RUNDC3A: variants seen among roughly 807,000 people sequenced by gnomAD.
The protein encoded by RUNDC3A is RUN domain-containing protein 3A.
RUNDC3A carries 28 observed loss-of-function variants against 53.9 expected under a neutral mutation model. The ratio of observed to expected loss-of-function variants is 0.52; its 90% CI spans 0.38 to 0.71. The LOEUF (loss-of-function observed/expected upper bound fraction) is 0.71. Among genes scored for constraint, RUNDC3A ranks in the 30% least tolerant of loss-of-function variants. RUNDC3A has a pLI of 0.00. For synonymous variants in RUNDC3A, 232 were observed against 249.4 expected (o/e 0.93, Z 0.66); for missense variants, 491 against 597.3 (o/e 0.82, Z 1.85).
intron 1 of RUNDC3A, chr17:44,311,122 C>T (rs2047740691): frequency 1.0e-6 from 1 of 985,456 alleles, no homozygotes; most frequent in Non-Finnish European, 1.2e-6. Flanking sequence ...AGGCTGCCTC[C>T]CTCTAGTGCA....
Position 44,318,378 on chromosome 17 carries a change from C to A in RUNDC3A, c.*140C>A. 1.0e-6 allele frequency: 1 copy of A among 978,924 alleles called. No individual in the cohort carries two copies. The highest frequency in any genetic ancestry group is 1.5e-6 in the Non-Finnish European group (1 of 667,660). 60.6% of individuals were successfully genotyped at this position (978,924 alleles called of 1,614,324 possible). On this transcript the variant is annotated 3_prime_UTR_variant, in exon 11 of 11. Coordinates refer to ENST00000426726, the MANE Select transcript of RUNDC3A (RefSeq NM_001144825.2). ...GCCAGGGTTCTCTCGGGGAAGATCTCGTCTGCTCACCTTAGCTTTCTGCCT... is the reference window on the plus strand; with the variant it reads ...GCCAGGGTTCTCTCGGGGAAGATCTAGTCTGCTCACCTTAGCTTTCTGCCT...
chr17:44,318,019 C>T (rs2047907281), intron 10 of RUNDC3A, 77 bp from the exon 11 acceptor site: 17 of 1,419,686 alleles, frequency 1.2e-5, no homozygotes, highest in Non-Finnish European at 1.4e-5. Context: ...TGAGGGCTGC[C>T]CCTTCACTGC....
At chr17:44,317,646 T>C in intron 10 of RUNDC3A, 1 of 704,558 alleles carries the variant, frequency 1.4e-6, no homozygotes, top group East Asian at 2.6e-5. Context: ...GCAACCACAC[T>C]GTATTGGATG....
At chr17:44,314,599 G>C in intron 4 of RUNDC3A, 136 bp from the exon 5 acceptor site, 1 of 1,464,376 alleles carries the variant, frequency 6.8e-7, no homozygotes, top group Non-Finnish European at 9.0e-7. Flanking sequence ...AGAGGCTCCA[G>C]GCCTGCGTGC....
Position 44,318,099 on chromosome 17 carries a change from A to C in RUNDC3A, c.1202A>C (p.Lys401Thr). The change falls in exon 11 of 11, where the codon AAG becomes ACG. Residue 401 changes from lysine (K) to threonine (T), a missense_variant. Physicochemically the swap from Lys to Thr is moderately conservative, Grantham distance 78. Around this residue, in one of 2 missense-constraint regions of RUNDC3A, gnomAD observed 218 missense variants for 208.2 expected, o/e 1.05. Coordinates refer to ENST00000426726, the MANE Select transcript of RUNDC3A (RefSeq NM_001144825.2). ...RDEEPWGPIG[K>T]DPTPSMLGLC... ...CTCACCTGCCCTCTCTCCCCAGGGA[A>C]GGACCCCACGCCCTCCATGCTGGGC... The C allele has an allele frequency of 6.4e-7, 1 of 1,551,214 alleles. No homozygotes were observed. Among genetic ancestry groups the C allele is most frequent in the Non-Finnish European group, 8.7e-7 (1 of 1,146,730 alleles).
At chr17:44,316,126 C>T (rs2074104) in intron 8 of RUNDC3A, among the ~76,000 whole-genome samples, 59,122 of 151,790 alleles carry the variant, frequency 0.39, 13,018 homozygotes, top group East Asian at 0.86. Flanking sequence ...CCTCCACTGA[C>T]GTCCCCATCA....
chr17:44,310,999 C>G, intron 1 of RUNDC3A: 2 of 985,508 alleles, frequency 2.0e-6, no homozygotes, highest in East Asian at 2.3e-4. Context: ...GGGCTCTCAA[C>G]CAAAATGTAA....
rs1482966526 is a variant in RUNDC3A at position 44,308,848 on chromosome 17, G to C, written c.16G>C (p.Val6Leu). Reference sequence around the variant, plus strand: ...GCACATCTGGATGGAAGCGAGCTTTGTCCAGACCACCATGGCTCTGGGGCT... The same window carrying C: ...GCACATCTGGATGGAAGCGAGCTTTCTCCAGACCACCATGGCTCTGGGGCT... Reference protein sequence around the residue: MEASFVQTTMALGLSS... With the variant: MEASFLQTTMALGLSS... Residue 6 changes from valine to leucine, a missense_variant, in exon 1 of 11, where the codon GTC becomes CTC. Physicochemically the swap from Val to Leu is conservative, Grantham distance 32. Transcript: ENST00000426726. 1 of 1,610,222 alleles carries C rather than the reference G, an allele frequency of 6.2e-7. No individual in the cohort carries two copies.
rs139053427 is a variant in RUNDC3A, at chr17:44,317,989, A to G, written c.1199-107A>G. Reference sequence around the variant, plus strand: ...ATGGCAAATGCTGTGGAATATGCCAAGGTCTCCTGGGGGGTGACTTGAGGG... The same window carrying G: ...ATGGCAAATGCTGTGGAATATGCCAGGGTCTCCTGGGGGGTGACTTGAGGG... On this transcript the variant is annotated intron_variant, in intron 10 of 10. Transcript: ENST00000426726. 174 of 1,174,190 alleles carry G rather than the reference A, an allele frequency of 1.5e-4. 1 individual carries two copies. In the East Asian group the frequency reaches 4.1e-3, roughly 28 times the overall value. The allele number at this position is 1,174,190 out of a possible 1,614,324, so 72.7% of individuals were successfully genotyped here. A position where few individuals can be genotyped will look rare whatever the true frequency, so the allele number is the denominator to read the frequency against.
rs1013421137 is a variant in RUNDC3A at position 44,314,827 on chromosome 17, G to A, written c.548+3G>A. 4 of 1,613,796 alleles carry A rather than the reference G, an allele frequency of 2.5e-6. No individual in the cohort carries two copies. Among genetic ancestry groups the A allele is most frequent in the African/African-American group, 2.7e-5 (2 of 74,932 alleles). On this transcript the variant is annotated splice_donor_region_variant and intron_variant, in intron 5 of 10. Transcript: ENST00000426726. Reference sequence around the variant, plus strand: ...GGACTGAGCGCCATCGACTTCAGGTGGGGTCTGCCTGACGGCAGTGGTGGA... The same window carrying A: ...GGACTGAGCGCCATCGACTTCAGGTAGGGTCTGCCTGACGGCAGTGGTGGA...
chr17:44,315,556 C>T lies in RUNDC3A; in HGVS notation c.900C>T (p.Asn300=). The T allele has an allele frequency of 6.6e-7, 1 of 1,515,232 alleles. No homozygotes were observed. Among genetic ancestry groups the T allele is most frequent in the Non-Finnish European group, 8.8e-7 (1 of 1,131,780 alleles). The allele number at this position is 1,515,232 out of a possible 1,614,324, so 93.9% of individuals were successfully genotyped here. A position where few individuals can be genotyped will look rare whatever the true frequency, so the allele number is the denominator to read the frequency against. ...QLQLEEAAAQ[N]QREKRELEGV... ...AGCTGGAGGAGGCGGCGGCGCAGAA[C>T]CAGCGCGAGAAACGGGAGCTGGAAG... Residue 300 remains asparagine, a synonymous_variant, in exon 8 of 11, where the codon AAC becomes AAT. Transcript: ENST00000426726. This position sits in a 1 kb window ranked among gnomAD's most constrained non-coding sequence, Gnocchi z 6.1.
At position 44,318,085 on chromosome 17, in the gene RUNDC3A, T is replaced by C. The variant is rs1384306541; in HGVS notation, c.1199-11T>C. 1.9e-6 allele frequency: 3 copies of C among 1,549,706 alleles called. No homozygotes were observed. Among genetic ancestry groups the C allele is most frequent in the East Asian group, 4.9e-5 (2 of 40,860 alleles). ...ACTGGTCGCTTGGCCTCACCTGCCC[T>C]CTCTCCCCAGGGAAGGACCCCACGC... On this transcript the variant is annotated splice_polypyrimidine_tract_variant and intron_variant, in intron 10 of 10. Coordinates refer to ENST00000426726, the MANE Select transcript of RUNDC3A (RefSeq NM_001144825.2).
rs777844575 is a variant in RUNDC3A, at chr17:44,314,687, G to T, written c.459-48G>T. The T allele has an allele frequency of 9.0e-5, 102 of 1,134,862 alleles. 2 individuals carry two copies. The highest frequency in any genetic ancestry group is 1.2e-4 in the Non-Finnish European group (97 of 807,966). 70.3% of individuals were successfully genotyped at this position (1,134,862 alleles called of 1,614,324 possible). ...CAATAGCAGCTCTGGGGGGGGGGGG[G>T]GCGCTCCAGGGGCCTGCTGCATCCT... On this transcript the variant is annotated intron_variant, in intron 4 of 10. Transcript: ENST00000426726.
chr17:44,318,079 C>T lies in RUNDC3A; in HGVS notation c.1199-17C>T. The T allele has an allele frequency of 6.5e-7, 1 of 1,549,718 alleles. No homozygotes were observed. On this transcript the variant is annotated splice_polypyrimidine_tract_variant and intron_variant, in intron 10 of 10. Transcript: ENST00000426726. ...ATGTAGACTGGTCGCTTGGCCTCACCTGCCCTCTCTCCCCAGGGAAGGACC... is the reference window on the plus strand; with the variant it reads ...ATGTAGACTGGTCGCTTGGCCTCACTTGCCCTCTCTCCCCAGGGAAGGACC...
In RUNDC3A at chr17:44,313,245, G is replaced by C. The variant is rs756573890; in HGVS notation, c.365G>C (p.Arg122Pro). 2 of 1,613,766 alleles carry C rather than the reference G, an allele frequency of 1.2e-6. No individual in the cohort carries two copies. The highest frequency in any genetic ancestry group is 2.2e-5 in the East Asian group (1 of 44,878). Residue 122 changes from arginine to proline, a missense_variant, in exon 3 of 11, where the codon CGG (arginine) becomes CCG (proline). Around this residue, in one of 2 missense-constraint regions of RUNDC3A, gnomAD observed 273 missense variants for 389.0 expected, o/e 0.70. Transcript: ENST00000426726. ...IENMENISTA[R>P]AKGRAWIRVA... ...AACATGGAGAACATCAGCACAGCCCGGGCCAAGGTGAGGGGCCTGAAGCAA... is the reference window on the plus strand; with the variant it reads ...AACATGGAGAACATCAGCACAGCCCCGGCCAAGGTGAGGGGCCTGAAGCAA...
chr17:44,310,713 C>A lies in RUNDC3A; in HGVS notation c.107+1774C>A, dbSNP rs1312586123. The stretch of plus-strand genomic sequence containing the variant: ...AGCCACTGCATCTCCTATCAGGGAG[C>A]ACACCACAGGGCTCCCGGGGGCAAT... On this transcript the variant is annotated intron_variant, in intron 1 of 10. Coordinates refer to ENST00000426726, the MANE Select transcript of RUNDC3A (RefSeq NM_001144825.2). 8 of 985,472 alleles carry A rather than the reference C, an allele frequency of 8.1e-6. No individual in the cohort carries two copies. In the Admixed American group the frequency reaches 4.3e-4, roughly 53 times the overall value. 61.0% of individuals were successfully genotyped at this position (985,472 alleles called of 1,614,324 possible).
intron 8 of RUNDC3A, 76 bp from the exon 9 acceptor site, chr17:44,316,309 C>A: frequency 7.1e-7 from 1 of 1,417,074 alleles, no homozygotes. Flanking sequence ...CTGACCCCTC[C>A]CTCATCCCCT....
intron 9 of RUNDC3A, 31 bp downstream of exon 9, chr17:44,316,553 G>C (rs1434481190): frequency 6.2e-7 from 1 of 1,600,268 alleles, no homozygotes; most frequent in South Asian, 1.1e-5. Flanking sequence ...GCTTGGGCCT[G>C]AGAGCGGGTC....
Position 44,316,672 on chromosome 17 carries a change from A to T in RUNDC3A, c.1145A>T (p.Asp382Val), listed in dbSNP as rs529238243. ...TCAGCTGAAGCCAGTCTGAGCTCGG[A>T]CTCCCAGCGCCTGGGAGAGGGCACG... is the stretch of plus-strand genomic sequence containing the variant. The part of the protein sequence containing the change: ...PLSAEASLSS[D>V]SQRLGEGTRD... Residue 382 changes from aspartate to valine, a missense_variant, in exon 10 of 11, where the codon GAC (aspartate) becomes GTC (valine). By Grantham distance (152) the Asp-to-Val change is radical. Coordinates refer to ENST00000426726, the MANE Select transcript of RUNDC3A (RefSeq NM_001144825.2). The T allele has an allele frequency of 9.0e-6, 14 of 1,549,976 alleles. No homozygotes were observed. The South Asian group carries it at 1.7e-4, about 18-fold the overall frequency.
Sources: gnomAD v4.1 joint callset for allele counts (sites outside exome capture counted in the v4.1 genomes callset) on GRCh38, gnomAD v4.1.1 for gene constraint, gnomAD v4.1.1 regional missense constraint, Gnocchi (gnomAD v3.1) non-coding constraint, MANE v1.5 for transcripts, NCBI Gene and HGNC (gene_info 2026-07-23, HGNC 2026-07-21) for gene names.